Variants in KIFBP observed in about 807,000 individuals in gnomAD.
KIFBP encodes kinesin family binding protein, also known as KIF-binding protein.
KIFBP carries 46 observed loss-of-function variants against 58.9 expected under a neutral mutation model. The observed-to-expected ratio is 0.78, with a 90% CI of 0.62 to 1.00. The LOEUF is 1.00. Ranked by LOEUF, KIFBP falls within the 50% of genes least tolerant of loss-of-function variation. The pLI, the probability that KIFBP is intolerant of heterozygous loss-of-function variation, is 0.00. For synonymous variants in KIFBP, 241 were observed against 283.4 expected, an observed-to-expected ratio of 0.85 and a Z score of 1.50; for missense variants, 651 against 752.9, an observed-to-expected ratio of 0.86 and a Z score of 1.58.
In KIFBP at chr10:68,989,238, T is replaced by A. The variant is rs772098884; in HGVS notation, c.406T>A (p.Ser136Thr). 5 of 1,613,320 alleles carry A rather than the reference T, an allele frequency of 3.1e-6. No homozygotes were observed. The highest frequency in any genetic ancestry group is 1.1e-5 in the South Asian group (1 of 91,042). Residue 136 changes from serine to threonine, a missense_variant, in exon 1 of 7, where the codon TCT becomes ACT. By Grantham distance (58) the Ser-to-Thr change is moderately conservative. Coordinates refer to ENST00000361983, the MANE Select transcript of KIFBP (RefSeq NM_015634.4). ...GTACCGGCTCTCGCACGACTGCATC[T>A]CTCTCTGCATCCAGGCGCAGGTGAG... The part of the protein sequence containing the change: ...RRYRLSHDCI[S>T]LCIQAQNNLG...
chr10:69,004,205 C>T (rs1230901046), intron 2 of KIFBP, among the ~76,000 whole-genome samples: 2 of 126,668 alleles, frequency 1.6e-5, no homozygotes, highest in Non-Finnish European at 3.2e-5. Context: ...GGCAAAAGAG[C>T]GAGACTCCAT....
At chr10:69,015,335 C>CTT in intron 6 of KIFBP, 1 of 545,018 alleles carries the variant, frequency 1.8e-6, no homozygotes, top group Non-Finnish European at 3.2e-6. Flanking sequence ...TATTTAAATA[C>CTT]TTTTTTTTCC....
Position 69,005,238 on chromosome 10 carries a change from A to G in KIFBP, c.605+113A>G, listed in dbSNP as rs146801756. 7.2e-4 allele frequency: 548 copies of G among 757,210 alleles called. 8 individuals carry two copies. The Admixed American group carries it at 9.8e-3, about 13-fold the overall frequency. 46.9% of individuals were successfully genotyped at this position (757,210 alleles called of 1,614,324 possible). ...GAATGTGGATTCTGACAGGAGTAAA[A>G]CCTCCATTTACCACTTACTTGTTAT... On this transcript the variant is annotated intron_variant, in intron 3 of 6. Transcript: ENST00000361983.
intron 6 of KIFBP, among the ~76,000 whole-genome samples, chr10:69,014,110 C>A (rs552023624): frequency 2.7e-4 from 41 of 152,262 alleles, no homozygotes; most frequent in South Asian, 1.2e-3. Flanking sequence ...ATCTGAAAGA[C>A]CTTCTTCAGT....
At position 68,992,202 on chromosome 10, in the gene KIFBP, G is replaced by A. The variant is rs1482941616; in HGVS notation, c.426+2944G>A. Among the ~76,000 whole-genome samples, 3 of 151,786 alleles carry A rather than the reference G, an allele frequency of 2.0e-5. No homozygotes were observed. The East Asian group carries it at 5.8e-4, about 29-fold the overall frequency. Reference sequence around the variant, plus strand: ...GAGACGGTGTTTCACCATGTTGCTCGGGCTGGTCTCGAACTACTGAGCTCA... The same window carrying A: ...GAGACGGTGTTTCACCATGTTGCTCAGGCTGGTCTCGAACTACTGAGCTCA... On this transcript the variant is annotated intron_variant, in intron 1 of 6. Coordinates refer to ENST00000361983, the MANE Select transcript of KIFBP (RefSeq NM_015634.4).
chr10:68,989,343 T>C (rs767830007), intron 1 of KIFBP, 85 bp downstream of exon 1: 308 of 1,453,656 alleles, frequency 2.1e-4, no homozygotes, highest in Non-Finnish European at 2.9e-4. Context: ...AGGGCAGACG[T>C]TGTAAGGCGC....
At chr10:69,014,403 A>G (rs1838958948) in intron 6 of KIFBP, among the ~76,000 whole-genome samples, 1 of 152,154 alleles carries the variant, frequency 6.6e-6, no homozygotes, top group South Asian at 2.1e-4. Flanking sequence ...CATGTTTAGA[A>G]GTTCTGTGGC....
In KIFBP at chr10:68,992,763, G is replaced by A. The variant is rs1400428634; in HGVS notation, c.426+3505G>A. On this transcript the variant is annotated intron_variant, in intron 1 of 6. Coordinates refer to ENST00000361983, the MANE Select transcript of KIFBP (RefSeq NM_015634.4). ...ACCCTGTTGTCAGTGGGGCATAGAT[G>A]AGTTATGAGGGCTAAAGCTTGCTCT... Among the ~76,000 whole-genome samples, 19 of 152,148 alleles carry A rather than the reference G, an allele frequency of 1.2e-4. 1 individual carries two copies. The highest frequency in any genetic ancestry group is 1.2e-3 in the Admixed American group (19 of 15,272).
intron 1 of KIFBP, among the ~76,000 whole-genome samples, chr10:68,998,341 TG>T (rs1843428504): frequency 6.6e-6 from 1 of 152,208 alleles, no homozygotes; most frequent in African/African-American, 2.4e-5. Flanking sequence ...CTATGATGAT[TG>T]TAAAGTAATG....
intron 6 of KIFBP, among the ~76,000 whole-genome samples, chr10:69,014,735 A>G: frequency 7.5e-6 from 1 of 132,890 alleles, no homozygotes; most frequent in Non-Finnish European, 1.6e-5. Flanking sequence ...CACCCCCAAG[A>G]GGTAGAGGAG....
At chr10:69,000,239 T>C (rs1047200607) in intron 1 of KIFBP, among the ~76,000 whole-genome samples, 185 bp from the exon 2 acceptor site, 13 of 152,084 alleles carry the variant, frequency 8.5e-5, no homozygotes, top group East Asian at 3.8e-4. Flanking sequence ...GCAGGGATCA[T>C]TGGGGGTTAA....
At chr10:69,003,257 C>T in intron 2 of KIFBP, among the ~76,000 whole-genome samples, 1 of 151,984 alleles carries the variant, frequency 6.6e-6, no homozygotes, top group South Asian at 2.1e-4. Flanking sequence ...GATTAATTCC[C>T]CTCATCTAGA....
chr10:68,994,062 A>G (rs928808847), intron 1 of KIFBP, among the ~76,000 whole-genome samples: 1 of 152,108 alleles, frequency 6.6e-6, no homozygotes, highest in Non-Finnish European at 1.5e-5. Flanking sequence ...GGTGGCATGC[A>G]TGTGTAGTCC....
In KIFBP at chr10:69,005,855, C is replaced by T. The variant is rs751308866; in HGVS notation, c.729C>T (p.Ala243=). The stretch of plus-strand genomic sequence containing the variant: ...TAAAACGCCAGCTTGAGCACAATGC[C>T]TACCATCCTATAGAGTGGGCTATCA... ...STLKRQLEHN[A]YHPIEWAINA... is the part of the protein sequence containing the mutation. The change falls in exon 4 of 7, where the codon GCC becomes GCT. Residue 243 remains alanine, a synonymous_variant. Coordinates refer to ENST00000361983, the MANE Select transcript of KIFBP (RefSeq NM_015634.4). The T allele has an allele frequency of 4.3e-6, 7 of 1,614,118 alleles. No individual in the cohort carries two copies. In the South Asian group the frequency reaches 4.4e-5, roughly 10 times the overall value.
intron 1 of KIFBP, among the ~76,000 whole-genome samples, chr10:68,998,405 T>G (rs2132109436): frequency 6.6e-6 from 1 of 151,318 alleles, no homozygotes; most frequent in East Asian, 1.9e-4. Context: ...ATAGAAAGGT[T>G]TTTTTTTTTC....
chr10:69,009,040 G>A, intron 5 of KIFBP, 115 bp downstream of exon 5: 1 of 764,148 alleles, frequency 1.3e-6, no homozygotes, highest in Non-Finnish European at 2.2e-6. Context: ...CCTTCTAAAT[G>A]CACCAATTTT....
At chr10:69,005,201 A>G in intron 3 of KIFBP, 76 bp downstream of exon 3, 1 of 1,067,898 alleles carries the variant, frequency 9.4e-7, no homozygotes, top group Non-Finnish European at 1.4e-6. Flanking sequence ...AAAGTCACTT[A>G]TAAAGGTTAT....
At chr10:69,002,081 G>A (rs1843472611) in intron 2 of KIFBP, among the ~76,000 whole-genome samples, 1 of 151,776 alleles carries the variant, frequency 6.6e-6, no homozygotes, top group Non-Finnish European at 1.5e-5. Context: ...CAGGAGGGTC[G>A]CTTGAGCCCA....
At chr10:68,989,633 A>C in intron 1 of KIFBP, 2 of 267,886 alleles carry the variant, frequency 7.5e-6, no homozygotes, top group Non-Finnish European at 7.1e-6. Context: ...ATCCAAAGTA[A>C]TTTAAATCTT....
Sources: gnomAD v4.1 joint callset for allele counts (sites outside exome capture counted in the v4.1 genomes callset) on GRCh38, gnomAD v4.1.1 for gene constraint, MANE v1.5 for transcripts, NCBI Gene and HGNC (gene_info 2026-07-23, HGNC 2026-07-21) for gene names.